The following FRRS1L variants were observed in gnomAD, a reference collection of about 807,000 sequenced individuals.
The protein encoded by FRRS1L is ferric chelate reductase 1 like.
A neutral mutation model predicts 28.6 loss-of-function variants in FRRS1L; 22 were observed. That is an observed-to-expected ratio of 0.77 (90% CI 0.55 to 1.10). The LOEUF (loss-of-function observed/expected upper bound fraction) is 1.10, where lower values mean the gene tolerates loss of function less well. Ranked by LOEUF, FRRS1L falls within the 50% of genes least tolerant of loss-of-function variation. The pLI, the probability that FRRS1L is intolerant of heterozygous loss-of-function variation, is 0.00. For synonymous variants in FRRS1L, 158 were observed against 151.4 expected (o/e 1.04, Z -0.32); for missense variants, 380 against 386.9 (o/e 0.98, Z 0.15).
At chr9:109,160,729 T>C (rs568447359) in intron 1 of FRRS1L, among the ~76,000 whole-genome samples, 33 of 151,878 alleles carry the variant, frequency 2.2e-4, no homozygotes, top group African/African-American at 7.7e-4. Flanking sequence ...CTGTCTCTTA[T>C]CTGGTTCTCT....
chr9:109,162,137 G>A (rs1261083861), intron 1 of FRRS1L, among the ~76,000 whole-genome samples: 1 of 152,178 alleles, frequency 6.6e-6, no homozygotes, highest in Non-Finnish European at 1.5e-5. Flanking sequence ...TCAACAGGGT[G>A]AAACCCTGTC....
chr9:109,164,763 T>C (rs1190913802), intron 1 of FRRS1L, among the ~76,000 whole-genome samples: 1 of 152,206 alleles, frequency 6.6e-6, no homozygotes, highest in African/African-American at 2.4e-5. Flanking sequence ...AAACCAGTTT[T>C]ATGTGCAGAA....
At chr9:109,141,278 A>G in intron 4 of FRRS1L, 65 bp downstream of exon 4, 1 of 1,582,800 alleles carries the variant, frequency 6.3e-7, no homozygotes. Flanking sequence ...TGTGACTTCA[A>G]TTAACAATGA....
Position 109,161,944 on chromosome 9 carries a change from C to T in FRRS1L, c.238+4957G>A, listed in dbSNP as rs375387618. ...AAACTCAGCCTTCATGGTGGCACTC[C>T]ACTGCTTAGGAAACTGTAGTCCCTA... On this transcript the variant is annotated intron_variant, in intron 1 of 4. Transcript: ENST00000561981. Among the ~76,000 whole-genome samples, 4 of 152,268 alleles carry T rather than the reference C, an allele frequency of 2.6e-5. No individual in the cohort carries two copies. The South Asian group carries it at 8.3e-4, about 32-fold the overall frequency.
intron 3 of FRRS1L, among the ~76,000 whole-genome samples, chr9:109,143,811 T>C (rs1831220216): frequency 6.6e-6 from 1 of 152,080 alleles, no homozygotes; most frequent in Admixed American, 6.5e-5. Context: ...GCCCGGCTAA[T>C]AATGTACCAT....
At chr9:109,147,269 G>A in intron 2 of FRRS1L, 80 bp from the exon 3 acceptor site, 1 of 1,155,180 alleles carries the variant, frequency 8.7e-7, no homozygotes, top group South Asian at 1.3e-5. Flanking sequence ...TGTATCATGT[G>A]GGATGCTAAG....
At chr9:109,141,239 G>T in intron 4 of FRRS1L, 104 bp downstream of exon 4, 1 of 1,275,282 alleles carries the variant, frequency 7.8e-7, no homozygotes. Context: ...AAATGATCCA[G>T]AGTGCTTATC....
intron 1 of FRRS1L, chr9:109,150,765 G>T (rs1370658234): frequency 6.6e-6 from 1 of 152,218 alleles, no homozygotes; most frequent in Admixed American, 6.5e-5. Context: ...CTTTGTGAGA[G>T]AAATCTTTTC....
chr9:109,161,285 C>T (rs905560316), intron 1 of FRRS1L, among the ~76,000 whole-genome samples: 2 of 152,144 alleles, frequency 1.3e-5, no homozygotes, highest in Non-Finnish European at 2.9e-5. Flanking sequence ...GTTCCTTTCT[C>T]TCCATTTTCC....
chr9:109,135,335 G>T lies in FRRS1L; in HGVS notation c.*2120C>A, dbSNP rs1831099609. On this transcript the variant is annotated 3_prime_UTR_variant, in exon 5 of 5. Coordinates refer to ENST00000561981, the MANE Select transcript of FRRS1L (RefSeq NM_014334.4). ...CTGCAGACTTCTCTCCTCAAAATGG[G>T]CAGTTAGCACAGACATTTGGAACAA... 6.6e-6 allele frequency: 1 copy of T among 152,210 alleles called. No individual in the cohort carries two copies. Among genetic ancestry groups the T allele is most frequent in the South Asian group, 2.1e-4 (1 of 4,822 alleles). 9.4% of individuals were successfully genotyped at this position (152,210 alleles called of 1,614,324 possible).
In FRRS1L at chr9:109,137,635, A is replaced by G. The variant is rs775558878; in HGVS notation, c.710-8T>C. Reference sequence around the variant, plus strand: ...CATGTCGAGTGATAGAGCCTTTAAGAAAAAAAGAGAAGAGCAGGGGCAATT... The same window carrying G: ...CATGTCGAGTGATAGAGCCTTTAAGGAAAAAAGAGAAGAGCAGGGGCAATT... On this transcript the variant is annotated splice_region_variant and splice_polypyrimidine_tract_variant and intron_variant, in intron 4 of 4. Transcript: ENST00000561981. 4 of 1,529,204 alleles carry G rather than the reference A, an allele frequency of 2.6e-6. No individual in the cohort carries two copies. The highest frequency in any genetic ancestry group is 2.8e-5 in the African/African-American group (2 of 72,592). The allele number at this position is 1,529,204 out of a possible 1,614,324, so 94.7% of individuals were successfully genotyped here.
rs1184370991 is a variant in FRRS1L, at chr9:109,167,132, G to A, written c.7C>T (p.Arg3Trp). Residue 3 changes from arginine (R) to tryptophan (W), a missense_variant, in exon 1 of 5, where the codon CGG (arginine) becomes TGG (tryptophan). Arg to Trp is a moderately radical substitution (Grantham distance 101, BLOSUM62 -3). Transcript: ENST00000561981. ...ACCCCCGGGTGCTGCCGGGGCGGCC[G>A]CGCCATCCGTGCGCACAGATCCCGC... is the stretch of plus-strand genomic sequence containing the variant. MARPPRQHPGVWA... is the reference protein window; with the variant it reads MAWPPRQHPGVWA... The A allele has an allele frequency of 8.6e-7, 1 of 1,159,382 alleles. No individual in the cohort carries two copies. The highest frequency in any genetic ancestry group is 4.5e-5 in the Admixed American group (1 of 22,112). 71.8% of individuals were successfully genotyped at this position (1,159,382 alleles called of 1,614,324 possible).
chr9:109,143,960 A>G (rs942734799), intron 3 of FRRS1L, among the ~76,000 whole-genome samples: 11 of 152,176 alleles, frequency 7.2e-5, no homozygotes, highest in African/African-American at 2.7e-4. Flanking sequence ...AGATAATATG[A>G]CAGTAGATAC....
chr9:109,152,329 T>C (rs974400038), intron 1 of FRRS1L: 4 of 152,026 alleles, frequency 2.6e-5, no homozygotes, highest in South Asian at 4.1e-4. Flanking sequence ...TTTGTATTTT[T>C]TGTAGAGACG....
chr9:109,166,616 T>C (rs1314507981), intron 1 of FRRS1L, among the ~76,000 whole-genome samples: 1 of 151,826 alleles, frequency 6.6e-6, no homozygotes, highest in South Asian at 2.1e-4. Flanking sequence ...CCCACCCCTA[T>C]CCACAGCCTT....
rs1446722729 is a variant in FRRS1L at position 109,131,160 on chromosome 9, G to C, written c.*6295C>G. 1 of 152,084 alleles carries C rather than the reference G, an allele frequency of 6.6e-6. No individual in the cohort carries two copies. Among genetic ancestry groups the C allele is most frequent in the Admixed American group, 6.6e-5 (1 of 15,250 alleles). The allele number at this position is 152,084 out of a possible 1,614,324, so 9.4% of individuals were successfully genotyped here. ...CTGGATACTTGAATAACTGAATAAG[G>C]AACCTAATTAAATACAAAACCTGTA... is the stretch of plus-strand genomic sequence containing the variant. On this transcript the variant is annotated 3_prime_UTR_variant, in exon 5 of 5. Transcript: ENST00000561981.
intron 1 of FRRS1L, among the ~76,000 whole-genome samples, chr9:109,158,555 A>G (rs538909416): frequency 2.6e-5 from 4 of 152,096 alleles, no homozygotes; most frequent in Non-Finnish European, 5.9e-5. Context: ...GGATTTGCTT[A>G]TTCTGGACAT....
At chr9:109,164,270 G>A (rs570026964) in intron 1 of FRRS1L, among the ~76,000 whole-genome samples, 1 of 152,316 alleles carries the variant, frequency 6.6e-6, no homozygotes, top group African/African-American at 2.4e-5. Context: ...AGAGAGAAGA[G>A]GGTAGGAGAA....
At chr9:109,141,732 C>T in intron 3 of FRRS1L, 143 bp from the exon 4 acceptor site, 1 of 805,850 alleles carries the variant, frequency 1.2e-6, no homozygotes, top group South Asian at 1.8e-5. Context: ...AAGTCTCAAC[C>T]AGGAGACCAA....
Sources: gnomAD v4.1 joint callset for allele counts (sites outside exome capture counted in the v4.1 genomes callset) on GRCh38, gnomAD v4.1.1 for gene constraint, MANE v1.5 for transcripts, NCBI Gene and HGNC (gene_info 2026-07-23, HGNC 2026-07-21) for gene names.